Variants in PDE6A observed in about 807,000 individuals in gnomAD.
PDE6A encodes the protein phosphodiesterase 6A.
A neutral mutation model predicts 106.3 loss-of-function variants in PDE6A; 84 were observed. The observed-to-expected ratio is 0.79, with a 90% CI of 0.66 to 0.95. The LOEUF (loss-of-function observed/expected upper bound fraction) is 0.95. PDE6A is among the 40% of genes least tolerant of loss of function. The pLI, the probability that PDE6A is intolerant of heterozygous loss-of-function variation, is 0.00. For missense variants in PDE6A, 1,052 were observed against 1,084.9 expected (o/e 0.97, Z 0.43); for synonymous variants, 394 against 386.6 (o/e 1.02, Z -0.23).
chr5:149,865,366 T>C (rs1384534812), intron 20 of PDE6A, among the ~76,000 whole-genome samples: 1 of 149,474 alleles, frequency 6.7e-6, no homozygotes, highest in Non-Finnish European at 1.5e-5. Flanking sequence ...GCTATGATGG[T>C]GCCTCTGTAC....
intron 17 of PDE6A, among the ~76,000 whole-genome samples, chr5:149,874,826 C>T (rs574655382): frequency 6.6e-6 from 1 of 152,098 alleles, no homozygotes; most frequent in Non-Finnish European, 1.5e-5. Flanking sequence ...GGAACGAAGA[C>T]CAAACATATA....
chr5:149,914,823 TC>T, intron 6 of PDE6A, 119 bp downstream of exon 6: 1 of 768,656 alleles, frequency 1.3e-6, no homozygotes, highest in Non-Finnish European at 2.4e-6. Context: ...GTCAACCTTG[TC>T]AGAACACTTA....
At chr5:149,919,802 A>AT (rs975328108) in intron 5 of PDE6A, among the ~76,000 whole-genome samples, 252 of 151,598 alleles carry the variant, frequency 1.7e-3, no homozygotes, top group Admixed American at 2.9e-3. Flanking sequence ...AAAGACTGCT[A>AT]TTTTTTTTTC....
At chr5:149,914,387 C>T (rs1753487648) in intron 6 of PDE6A, among the ~76,000 whole-genome samples, 2 of 152,242 alleles carry the variant, frequency 1.3e-5, no homozygotes, top group South Asian at 4.2e-4. Flanking sequence ...TGATAATGTA[C>T]CTGCAGTTTT....
intron 13 of PDE6A, among the ~76,000 whole-genome samples, chr5:149,890,656 T>C (rs1332514926): frequency 6.6e-6 from 1 of 152,146 alleles, no homozygotes; most frequent in Non-Finnish European, 1.5e-5. Context: ...ATGTAAAGTC[T>C]TGTCATCCAC....
intron 8 of PDE6A, among the ~76,000 whole-genome samples, chr5:149,902,935 T>C (rs1477076917): frequency 2.0e-5 from 3 of 151,202 alleles, no homozygotes; most frequent in East Asian, 1.9e-4. Flanking sequence ...AGGATTTCAA[T>C]AGGAGATGGT....
At chr5:149,861,771 G>C (rs1760153339) in intron 21 of PDE6A, among the ~76,000 whole-genome samples, 1 of 151,580 alleles carries the variant, frequency 6.6e-6, no homozygotes, top group Non-Finnish European at 1.5e-5. Flanking sequence ...CTAGCTATAA[G>C]AAAAAAAAGA....
At chr5:149,876,250 T>C (rs1013481831) in intron 17 of PDE6A, among the ~76,000 whole-genome samples, 2 of 150,598 alleles carry the variant, frequency 1.3e-5, no homozygotes, top group African/African-American at 4.9e-5. Flanking sequence ...CTATTAACAA[T>C]ATAGGGTGGA....
Position 149,860,654 on chromosome 5 carries a change from T to A in PDE6A, c.*241A>T, listed in dbSNP as rs1424542067. The A allele has an allele frequency of 1.5e-5, 3 of 202,040 alleles. No individual in the cohort carries two copies. Among genetic ancestry groups the A allele is most frequent in the Admixed American group, 1.1e-4 (1 of 9,392 alleles). 12.5% of individuals were successfully genotyped at this position (202,040 alleles called of 1,614,324 possible). A position where few individuals can be genotyped will look rare whatever the true frequency, so the allele number is the denominator to read the frequency against. On this transcript the variant is annotated 3_prime_UTR_variant, in exon 22 of 22. Transcript: ENST00000255266. ...ATTATGAAATTTTTTTTTTTGGCGA[T>A]TTTTTTTTTTAAGTTCAACAGCTAT...
intron 1 of PDE6A, among the ~76,000 whole-genome samples, chr5:149,936,805 A>G (rs1754199865): frequency 6.6e-6 from 1 of 152,168 alleles, no homozygotes; most frequent in South Asian, 2.1e-4. Context: ...TTTTGCACCA[A>G]CTTATATTTA....
chr5:149,942,798 G>A (rs948422114), intron 1 of PDE6A, among the ~76,000 whole-genome samples: 3 of 151,848 alleles, frequency 2.0e-5, no homozygotes, highest in East Asian at 1.9e-4. Context: ...TGATGTGCAC[G>A]GAGGCCAGGT....
At chr5:149,920,986 G>GAAAGAAA (rs768431989) in intron 5 of PDE6A, among the ~76,000 whole-genome samples, 1 of 134,128 alleles carries the variant, frequency 7.5e-6, no homozygotes, top group Non-Finnish European at 1.5e-5. Flanking sequence ...AAGAAAGAAA[G>GAAAGAAA]AAAGAAAGAA....
Position 149,886,330 on chromosome 5 carries a change from G to A in PDE6A, c.1773C>T (p.Ala591=). The stretch of plus-strand genomic sequence containing the variant: ...CATGGCAGAAAGCAGCAGTGACCAT[G>A]GCCAAGGCCTCTAGGTCCGTGAAGT... ...KRYFTDLEAL[A]MVTAAFCHDI... Residue 591 remains alanine (A), a synonymous_variant, in exon 14 of 22, where the codon GCC becomes GCT. Coordinates refer to ENST00000255266, the MANE Select transcript of PDE6A (RefSeq NM_000440.3). 1 of 1,614,196 alleles carries A rather than the reference G, an allele frequency of 6.2e-7. No individual in the cohort carries two copies. Among genetic ancestry groups the A allele is most frequent in the African/African-American group, 1.3e-5 (1 of 75,060 alleles).
intron 6 of PDE6A, among the ~76,000 whole-genome samples, chr5:149,913,997 G>A (rs536053895): frequency 6.6e-6 from 1 of 152,298 alleles, no homozygotes; most frequent in Non-Finnish European, 1.5e-5. Context: ...TTCTGTGGGG[G>A]CTGAGTCAGT....
At chr5:149,913,297 G>A (rs1753442034) in intron 6 of PDE6A, among the ~76,000 whole-genome samples, 1 of 151,366 alleles carries the variant, frequency 6.6e-6, no homozygotes, top group African/African-American at 2.4e-5. Flanking sequence ...CAGGAGAATC[G>A]CTTTAACCCA....
intron 3 of PDE6A, 112 bp from the exon 4 acceptor site, chr5:149,931,280 C>A: frequency 1.0e-6 from 1 of 973,104 alleles, no homozygotes; most frequent in Non-Finnish European, 1.6e-6. Flanking sequence ...TTCATTTACC[C>A]TTCACAATAA....
At chr5:149,923,167 C>T (rs1753769119) in intron 4 of PDE6A, among the ~76,000 whole-genome samples, 1 of 152,122 alleles carries the variant, frequency 6.6e-6, no homozygotes, top group African/African-American at 2.4e-5. Flanking sequence ...ATGAGTTGTT[C>T]GTTGCTCATA....
chr5:149,889,081 C>CAAAAAAAAAAAAAAAAAA (rs568428704), intron 13 of PDE6A, among the ~76,000 whole-genome samples: 1,445 of 61,138 alleles, frequency 0.024, 103 homozygotes, highest in Non-Finnish European at 0.031. Context: ...GACTCTGTCT[C>CAAAAAAAAAAAAAAAAAA]AAAAAAAAAA....
chr5:149,883,682 A>T, intron 16 of PDE6A, 146 bp from the exon 17 acceptor site: 1 of 699,840 alleles, frequency 1.4e-6, no homozygotes, highest in Non-Finnish European at 2.6e-6. Flanking sequence ...CCAGGAGTGA[A>T]GACCTAGGTT....
Sources: gnomAD v4.1 joint callset for allele counts (sites outside exome capture counted in the v4.1 genomes callset) on GRCh38, gnomAD v4.1.1 for gene constraint, MANE v1.5 for transcripts, NCBI Gene and HGNC (gene_info 2026-07-23, HGNC 2026-07-21) for gene names.